The following NBEAL1 variants were observed in gnomAD, a reference collection of about 807,000 sequenced individuals.
NBEAL1 encodes the protein neurobeachin-like protein 1.
NBEAL1 carries 273 observed loss-of-function variants against 351.3 expected under a neutral mutation model. The ratio of observed to expected loss-of-function variants is 0.78; its 90% CI spans 0.70 to 0.86. The LOEUF (loss-of-function observed/expected upper bound fraction) is 0.86, where lower values mean the gene tolerates loss of function less well. Among genes scored for constraint, NBEAL1 ranks in the 40% least tolerant of loss-of-function variants. The pLI, the probability that NBEAL1 is intolerant of heterozygous loss-of-function variation, is 0.00. For missense variants in NBEAL1, 2,961 were observed against 3,201.3 expected, an observed-to-expected ratio of 0.92 and a Z score of 1.81; for synonymous variants, 1,050 against 1,086.4, an observed-to-expected ratio of 0.97 and a Z score of 0.66.
intron 3 of NBEAL1, among the ~76,000 whole-genome samples, chr2:203,048,200 G>C (rs1047078327): frequency 8.6e-5 from 13 of 151,876 alleles, no homozygotes; most frequent in Admixed American, 7.9e-4. Context: ...TGGCCAACAT[G>C]GTGAAACCCC....
chr2:203,145,235 G>T, intron 33 of NBEAL1, 75 bp downstream of exon 33: 1 of 1,262,850 alleles, frequency 7.9e-7, no homozygotes, highest in Non-Finnish European at 1.1e-6. Flanking sequence ...GAGTAATACA[G>T]GCCCCAAACT....
Position 203,136,264 on chromosome 2 carries a change from T to C in NBEAL1, c.4389+12T>C, listed in dbSNP as rs768521562. Reference sequence around the variant, plus strand: ...TTGAAAGCCAAGAGGTAAAATTGCTTATTTTTCCAAATGTTGTTTTTATTT... The same window carrying C: ...TTGAAAGCCAAGAGGTAAAATTGCTCATTTTTCCAAATGTTGTTTTTATTT... On this transcript the variant is annotated intron_variant, in intron 28 of 55. Coordinates refer to ENST00000683969, the MANE Select transcript of NBEAL1 (RefSeq NM_001378026.1). 7.2e-6 allele frequency: 11 copies of C among 1,525,890 alleles called. No individual in the cohort carries two copies. In the African/African-American group the frequency reaches 1.4e-4, roughly 19 times the overall value. 94.5% of individuals were successfully genotyped at this position (1,525,890 alleles called of 1,614,324 possible). A position where few individuals can be genotyped will look rare whatever the true frequency, so the allele number is the denominator to read the frequency against.
At chr2:203,017,581 G>A (rs971848810) in intron 2 of NBEAL1, among the ~76,000 whole-genome samples, 1 of 151,932 alleles carries the variant, frequency 6.6e-6, no homozygotes, top group Non-Finnish European at 1.5e-5. Context: ...TCACTAACAC[G>A]TTAACCAAAA....
chr2:203,165,835 G>C lies in NBEAL1; in HGVS notation c.5715-314G>C, dbSNP rs551769674. ...AGGTGGGTGGATCCCTTGAGCTCAGGAGATCAAAACCAGCCTGGGCAACAT... is the reference window on the plus strand; with the variant it reads ...AGGTGGGTGGATCCCTTGAGCTCAGCAGATCAAAACCAGCCTGGGCAACAT... On this transcript the variant is annotated intron_variant, in intron 36 of 55. Coordinates refer to ENST00000683969, the MANE Select transcript of NBEAL1 (RefSeq NM_001378026.1). Among the ~76,000 whole-genome samples the C allele has an allele frequency of 1.2e-4, 19 of 152,200 alleles. No homozygotes were observed. In the East Asian group the frequency reaches 3.5e-3, roughly 28 times the overall value.
At chr2:203,213,186 T>C (rs1429042161) in intron 54 of NBEAL1, among the ~76,000 whole-genome samples, 3 of 152,132 alleles carry the variant, frequency 2.0e-5, no homozygotes, top group African/African-American at 7.2e-5. Context: ...ATAGAATGGG[T>C]TGGAAAATTG....
chr2:203,058,724 C>T (rs10439267), intron 6 of NBEAL1, among the ~76,000 whole-genome samples: 61,766 of 152,080 alleles, frequency 0.41, 12,973 homozygotes, highest in East Asian at 0.63. Flanking sequence ...CTTTCTTCCA[C>T]GCTTCATCTG....
chr2:203,141,015 A>G (rs1308964597), intron 31 of NBEAL1, among the ~76,000 whole-genome samples: 1 of 151,880 alleles, frequency 6.6e-6, no homozygotes, highest in Non-Finnish European at 1.5e-5. Flanking sequence ...AAAATAAAAT[A>G]CAGAACCACC....
At chr2:203,193,690 A>G in intron 46 of NBEAL1, 105 bp from the exon 47 acceptor site, 1 of 658,306 alleles carries the variant, frequency 1.5e-6, no homozygotes, top group Non-Finnish European at 2.6e-6. Context: ...TCAACAATGC[A>G]TGGTATGTAA....
chr2:203,149,207 T>G (rs1265695211), intron 34 of NBEAL1, 59 bp downstream of exon 34: 2 of 1,347,874 alleles, frequency 1.5e-6, no homozygotes, highest in Non-Finnish European at 2.0e-6. Context: ...GTCTAGAAAT[T>G]TTTGAGCAAA....
chr2:203,111,387 T>C (rs2062568519), intron 15 of NBEAL1, among the ~76,000 whole-genome samples: 1 of 152,166 alleles, frequency 6.6e-6, no homozygotes, highest in Admixed American at 6.5e-5. Context: ...GTTTTTTTCT[T>C]TTGAGACAGA....
intron 3 of NBEAL1, among the ~76,000 whole-genome samples, chr2:203,042,888 A>G (rs1175087052): frequency 6.6e-6 from 1 of 152,168 alleles, no homozygotes; most frequent in South Asian, 2.1e-4. Flanking sequence ...CCCTTGGCCA[A>G]TGCTTGGTCT....
intron 45 of NBEAL1, 82 bp from the exon 46 acceptor site, chr2:203,190,190 ACACACACACACACACACACC>A (rs2105774404): frequency 1.5e-5 from 7 of 465,114 alleles, no homozygotes; most frequent in Non-Finnish European, 2.8e-5. Context: ...ACACACACAC[ACACACACACACACACACACC>A]AATGAGCCTG....
chr2:203,133,283 T>G (rs1271066649), intron 27 of NBEAL1, 137 bp downstream of exon 27: 1 of 435,100 alleles, frequency 2.3e-6, no homozygotes, highest in Non-Finnish European at 4.1e-6. Context: ...AACAATTTTC[T>G]TTTTGAAGTA....
intron 43 of NBEAL1, chr2:203,182,426 G>A (rs2064745737): frequency 6.6e-6 from 1 of 152,102 alleles, no homozygotes; most frequent in Non-Finnish European, 1.5e-5. Context: ...TCACTCTCCA[G>A]AACTGGGTCA....
At chr2:203,180,745 C>G (rs2064687880) in intron 43 of NBEAL1, among the ~76,000 whole-genome samples, 1 of 151,948 alleles carries the variant, frequency 6.6e-6, no homozygotes, top group Non-Finnish European at 1.5e-5. Flanking sequence ...TATCAGACTA[C>G]AGTGTTTACT....
Position 203,132,018 on chromosome 2 carries a change from A to G in NBEAL1, c.3610A>G (p.Lys1204Glu). The change falls in exon 26 of 56, where the codon AAA becomes GAA. Residue 1204 changes from lysine to glutamate, a missense_variant. Coordinates refer to ENST00000683969, the MANE Select transcript of NBEAL1 (RefSeq NM_001378026.1). ...ATGCACGAACGTTTATGAGCGTAGT[A>G]AACAACATATTCGACTCAGAGAAGT... ...LKCTNVYERS[K>E]QHIRLREVGY... The G allele has an allele frequency of 6.4e-7, 1 of 1,554,248 alleles. No individual in the cohort carries two copies. The highest frequency in any genetic ancestry group is 1.2e-5 in the South Asian group (1 of 84,220).
At chr2:203,026,884 T>C (rs139442241) in intron 2 of NBEAL1, among the ~76,000 whole-genome samples, 186 of 152,346 alleles carry the variant, frequency 1.2e-3, no homozygotes, top group African/African-American at 4.3e-3. Flanking sequence ...GTGTTCCACT[T>C]AATTTTCAAT....
intron 54 of NBEAL1, among the ~76,000 whole-genome samples, chr2:203,212,005 C>T (rs970828351): frequency 1.3e-5 from 2 of 151,950 alleles, no homozygotes; most frequent in African/African-American, 4.8e-5. Context: ...TCCTGCCTCA[C>T]CCTCCACGTC....
In NBEAL1 at chr2:203,126,706, C is replaced by G. The variant is rs1303590757; in HGVS notation, c.3135C>G (p.Pro1045=). The G allele has an allele frequency of 2.0e-6, 3 of 1,505,820 alleles. No homozygotes were observed. Among genetic ancestry groups the G allele is most frequent in the Non-Finnish European group, 2.7e-6 (3 of 1,127,326 alleles). 93.3% of individuals were successfully genotyped at this position (1,505,820 alleles called of 1,614,324 possible). A position where few individuals can be genotyped will look rare whatever the true frequency, so the allele number is the denominator to read the frequency against. The part of the protein sequence containing the change: ...DFRIWNRGDF[P]FRIGHIQYLS... ...GTATTTGGAACCGTGGAGATTTTCC[C>G]TTTCGAATCGGTGAGAGCAGGCTTT... is the stretch of plus-strand genomic sequence containing the variant. The change falls in exon 22 of 56, where the codon CCC becomes CCG. Residue 1045 remains proline, a synonymous_variant. Transcript: ENST00000683969.
Sources: gnomAD v4.1 joint callset for allele counts (sites outside exome capture counted in the v4.1 genomes callset) on GRCh38, gnomAD v4.1.1 for gene constraint, MANE v1.5 for transcripts, NCBI Gene and HGNC (gene_info 2026-07-23, HGNC 2026-07-21) for gene names.